Variants in RNGTT observed in about 807,000 individuals in gnomAD.
The protein encoded by RNGTT is mRNA-capping enzyme.
A neutral mutation model predicts 79.3 loss-of-function variants in RNGTT; 33 were observed. The observed-to-expected ratio is 0.42, with a 90% CI of 0.32 to 0.56. The LOEUF is 0.56. Among genes scored for constraint, RNGTT ranks in the 20% least tolerant of loss-of-function variants. The pLI is 0.17. For synonymous variants in RNGTT, 222 were observed against 235.9 expected, an observed-to-expected ratio of 0.94 and a Z score of 0.54; for missense variants, 497 against 739.1, an observed-to-expected ratio of 0.67 and a Z score of 3.80.
chr6:88,850,969 G>C (rs776221192), intron 9 of RNGTT, among the ~76,000 whole-genome samples: 1 of 151,928 alleles, frequency 6.6e-6, no homozygotes, highest in Non-Finnish European at 1.5e-5. Flanking sequence ...AAACCTGTGG[G>C]CCTTCAAGGC....
At chr6:88,946,595 T>C (rs946559709) in intron 1 of RNGTT, among the ~76,000 whole-genome samples, 1 of 151,576 alleles carries the variant, frequency 6.6e-6, no homozygotes, top group African/African-American at 2.4e-5. Context: ...GTTAGCCAAG[T>C]TGTGAATGAA....
chr6:88,802,091 G>C (rs567544332), intron 11 of RNGTT, among the ~76,000 whole-genome samples: 72 of 152,072 alleles, frequency 4.7e-4, no homozygotes, highest in South Asian at 1.2e-3. Context: ...AAATACTTGG[G>C]GACAAGAATT....
At chr6:88,806,281 A>G (rs1779950392) in intron 11 of RNGTT, among the ~76,000 whole-genome samples, 1 of 151,940 alleles carries the variant, frequency 6.6e-6, no homozygotes, top group South Asian at 2.1e-4. Context: ...ACAAAAAACA[A>G]CAGATGCTGG....
intron 2 of RNGTT, among the ~76,000 whole-genome samples, chr6:88,937,654 T>G (rs555653835): frequency 6.6e-6 from 1 of 152,320 alleles, no homozygotes; most frequent in Non-Finnish European, 1.5e-5. Flanking sequence ...ATCTGAATCC[T>G]TCTACATTTT....
At chr6:88,649,421 G>A (rs1445481804) in intron 14 of RNGTT, among the ~76,000 whole-genome samples, 13 of 152,308 alleles carry the variant, frequency 8.5e-5, no homozygotes, top group African/African-American at 2.2e-4. Flanking sequence ...GGTTCTAGCC[G>A]GGCGCGGTGG....
chr6:88,919,705 T>C (rs1004943626), intron 4 of RNGTT, among the ~76,000 whole-genome samples: 10 of 137,576 alleles, frequency 7.3e-5, no homozygotes, highest in Admixed American at 2.2e-4. Flanking sequence ...AGGTCAGTAG[T>C]TCTTTTTTTT....
chr6:88,907,027 A>G (rs1783676008), intron 4 of RNGTT, among the ~76,000 whole-genome samples: 1 of 152,250 alleles, frequency 6.6e-6, no homozygotes, highest in South Asian at 2.1e-4. Flanking sequence ...ATATAGTACA[A>G]TAAAAATTAA....
Position 88,961,355 on chromosome 6 carries a change from A to G in RNGTT, c.64+1991T>C, listed in dbSNP as rs188443143. Among the ~76,000 whole-genome samples, 665 of 151,406 alleles carry G rather than the reference A, an allele frequency of 4.4e-3. 8 individuals are homozygous for G. The highest frequency in any genetic ancestry group is 4.6e-3 in the Non-Finnish European group (315 of 67,836). ...TGTGTGTATGTATGTGTGTGTGTGT[A>G]TATATATATATGTACATATATTTCC... On this transcript the variant is annotated intron_variant, in intron 1 of 15. Coordinates refer to ENST00000369485, the MANE Select transcript of RNGTT (RefSeq NM_003800.5).
At chr6:88,739,729 A>ATATATATATATATATATG in intron 13 of RNGTT, among the ~76,000 whole-genome samples, 1 of 10,936 alleles carries the variant, frequency 9.1e-5, no homozygotes, top group Admixed American at 6.5e-4. Flanking sequence ...AAAAAATTAT[A>ATATATATATATATATATG]TATATATATA....
intron 11 of RNGTT, among the ~76,000 whole-genome samples, chr6:88,833,624 A>G (rs9344879): frequency 0.038 from 5,725 of 151,870 alleles, 166 homozygotes; most frequent in African/African-American, 0.076. Flanking sequence ...CATGTGATCT[A>G]TGTCAATCCT....
At chr6:88,704,221 C>G (rs1203801978) in intron 13 of RNGTT, among the ~76,000 whole-genome samples, 1 of 125,024 alleles carries the variant, frequency 8.0e-6, no homozygotes, top group Admixed American at 1.1e-4. Context: ...GATAGCACCA[C>G]TGCACTTTAC....
chr6:88,904,596 G>T, intron 6 of RNGTT, 119 bp downstream of exon 6: 2 of 1,240,524 alleles, frequency 1.6e-6, no homozygotes, highest in Non-Finnish European at 1.1e-6. Flanking sequence ...GAAAGGGCTA[G>T]GATGAATCAT....
chr6:88,644,540 AC>A (rs1411646536), intron 14 of RNGTT, among the ~76,000 whole-genome samples: 77 of 152,326 alleles, frequency 5.1e-4, no homozygotes, highest in African/African-American at 1.7e-3. Flanking sequence ...CCTGGCAGAG[AC>A]ACAACAAAAA....
At chr6:88,789,931 C>A (rs1779350360) in intron 12 of RNGTT, among the ~76,000 whole-genome samples, 2 of 152,178 alleles carry the variant, frequency 1.3e-5, no homozygotes, top group African/African-American at 4.8e-5. Context: ...CCAATAGATG[C>A]AACACCACAC....
At chr6:88,666,033 G>A (rs559887391) in intron 14 of RNGTT, among the ~76,000 whole-genome samples, 3 of 152,346 alleles carry the variant, frequency 2.0e-5, no homozygotes, top group Non-Finnish European at 2.9e-5. Context: ...CCAGAAGGCA[G>A]TTGAGAGAAT....
intron 4 of RNGTT, among the ~76,000 whole-genome samples, chr6:88,908,659 G>A (rs1783735131): frequency 6.6e-6 from 1 of 152,140 alleles, no homozygotes; most frequent in Admixed American, 6.5e-5. Flanking sequence ...TTCTAGCCAT[G>A]AGCCCCACAG....
chr6:88,690,429 G>A (rs772906214), intron 13 of RNGTT, among the ~76,000 whole-genome samples: 3 of 151,772 alleles, frequency 2.0e-5, no homozygotes, highest in Non-Finnish European at 2.9e-5. Flanking sequence ...AAAATTGGTC[G>A]AGGGCAGTGG....
intron 1 of RNGTT, among the ~76,000 whole-genome samples, chr6:88,943,451 C>T (rs562235041): frequency 4.6e-5 from 7 of 152,234 alleles, no homozygotes; most frequent in African/African-American, 1.7e-4. Flanking sequence ...CTCACCACCT[C>T]CACCAACATC....
At chr6:88,807,701 A>G (rs2127868085) in intron 11 of RNGTT, among the ~76,000 whole-genome samples, 1 of 152,264 alleles carries the variant, frequency 6.6e-6, no homozygotes, top group East Asian at 1.9e-4. Flanking sequence ...AATTAAACAC[A>G]TAAACACAAA....
Sources: gnomAD v4.1 joint callset for allele counts (sites outside exome capture counted in the v4.1 genomes callset) on GRCh38, gnomAD v4.1.1 for gene constraint, MANE v1.5 for transcripts, NCBI Gene and HGNC (gene_info 2026-07-23, HGNC 2026-07-21) for gene names.